SMYD3: variants seen among roughly 807,000 people sequenced by gnomAD.
SMYD3 encodes histone-lysine N-methyltransferase SMYD3.
A neutral mutation model predicts 57.7 loss-of-function variants in SMYD3; 36 were observed. The observed-to-expected ratio is 0.62, with a 90% CI of 0.48 to 0.82. The LOEUF (loss-of-function observed/expected upper bound fraction) is 0.82, where lower values mean the gene tolerates loss of function less well. Among genes scored for constraint, SMYD3 ranks in the 40% least tolerant of loss-of-function variants. The probability of loss-of-function intolerance (pLI) is 0.00; values close to 1 mark genes in which losing one functional copy is unlikely to be tolerated. For synonymous variants in SMYD3, 211 were observed against 195.0 expected (o/e 1.08, Z -0.68); for missense variants, 515 against 538.8 (o/e 0.96, Z 0.44).
At chr1:246,138,527 A>G (rs78591431) in intron 5 of SMYD3, among the ~76,000 whole-genome samples, 4,050 of 67,814 alleles carry the variant, frequency 0.06, 348 homozygotes, top group Middle Eastern at 0.14. Context: ...CCAGGTTCAC[A>G]CCATTCTCCT....
chr1:246,386,824 G>A (rs1237151631), intron 1 of SMYD3, among the ~76,000 whole-genome samples: 4 of 151,758 alleles, frequency 2.6e-5, no homozygotes, highest in Non-Finnish European at 5.9e-5. Flanking sequence ...CGTGTATGAT[G>A]TGAATCCTGT....
chr1:246,449,851 G>T (rs1462983696), intron 1 of SMYD3, among the ~76,000 whole-genome samples: 2 of 151,996 alleles, frequency 1.3e-5, no homozygotes, highest in Non-Finnish European at 2.9e-5. Context: ...GTGTGGAAAG[G>T]TTTTTTTTGT....
chr1:245,836,792 T>G (rs1243029263), intron 10 of SMYD3, among the ~76,000 whole-genome samples: 5 of 152,122 alleles, frequency 3.3e-5, no homozygotes, highest in African/African-American at 1.2e-4. Flanking sequence ...GTGTCACCAG[T>G]GTTGATGAAA....
At chr1:246,043,548 T>C (rs1296738324) in intron 5 of SMYD3, among the ~76,000 whole-genome samples, 1 of 152,226 alleles carries the variant, frequency 6.6e-6, no homozygotes, top group Non-Finnish European at 1.5e-5. Context: ...TCTCAGCCTT[T>C]GGACAGATCA....
chr1:245,974,422 T>C (rs146070602), intron 5 of SMYD3, among the ~76,000 whole-genome samples: 4 of 152,352 alleles, frequency 2.6e-5, no homozygotes, highest in Admixed American at 2.6e-4. Context: ...ATCTTGAATC[T>C]ATTTCATTTT....
chr1:245,948,376 G>C (rs1423824924), intron 5 of SMYD3, among the ~76,000 whole-genome samples: 1 of 152,170 alleles, frequency 6.6e-6, no homozygotes, highest in Non-Finnish European at 1.5e-5. Context: ...CTCTTTGGCT[G>C]GGACCCTGAA....
At chr1:246,187,006 C>T (rs536662243) in intron 5 of SMYD3, 9 of 874,840 alleles carry the variant, frequency 1.0e-5, no homozygotes, top group South Asian at 5.2e-5. Context: ...CACAAACATA[C>T]AAAGTAGGTG....
intron 5 of SMYD3, among the ~76,000 whole-genome samples, chr1:246,096,615 C>T (rs922014195): frequency 3.3e-5 from 5 of 152,168 alleles, no homozygotes; most frequent in African/African-American, 7.2e-5. Flanking sequence ...CTGATTAATA[C>T]GGGTACTTGG....
At chr1:246,147,302 CG>C (rs2061863981) in intron 5 of SMYD3, among the ~76,000 whole-genome samples, 1 of 152,142 alleles carries the variant, frequency 6.6e-6, no homozygotes, top group Non-Finnish European at 1.5e-5. Context: ...GCCACACCTC[CG>C]GGGAGTCATG....
chr1:246,194,895 G>A (rs765621457), intron 5 of SMYD3, among the ~76,000 whole-genome samples: 46 of 152,098 alleles, frequency 3.0e-4, no homozygotes, highest in African/African-American at 9.7e-4. Context: ...TGGGTCCCTC[G>A]TACAATGAAG....
At chr1:246,032,386 T>G (rs2059693365) in intron 5 of SMYD3, among the ~76,000 whole-genome samples, 1 of 152,148 alleles carries the variant, frequency 6.6e-6, no homozygotes, top group South Asian at 2.1e-4. Flanking sequence ...CCCACATATT[T>G]GCCGCTAACA....
At chr1:246,365,134 G>A (rs138887296) in intron 1 of SMYD3, among the ~76,000 whole-genome samples, 45 of 152,134 alleles carry the variant, frequency 3.0e-4, no homozygotes, top group African/African-American at 1.1e-3. Flanking sequence ...ATACATCACA[G>A]ATCTCTAAGG....
chr1:246,459,335 A>C (rs923470586), intron 1 of SMYD3, among the ~76,000 whole-genome samples: 4 of 141,210 alleles, frequency 2.8e-5, no homozygotes, highest in Middle Eastern at 4.2e-3. Flanking sequence ...AGTTCTCGCG[A>C]GATCTTATTT....
chr1:245,866,363 C>CT (rs57157717), intron 8 of SMYD3, among the ~76,000 whole-genome samples: 57 of 148,854 alleles, frequency 3.8e-4, no homozygotes, highest in African/African-American at 6.9e-4. Flanking sequence ...CATAGGTGCA[C>CT]TTTTTTTTTT....
At chr1:246,284,494 G>T (rs1255736246) in intron 5 of SMYD3, among the ~76,000 whole-genome samples, 2 of 150,264 alleles carry the variant, frequency 1.3e-5, no homozygotes, top group African/African-American at 4.9e-5. Flanking sequence ...TCGGCTCACT[G>T]CAAGCTCCGC....
intron 5 of SMYD3, among the ~76,000 whole-genome samples, chr1:246,295,644 G>T (rs1424935839): frequency 1.3e-5 from 2 of 152,016 alleles, no homozygotes; most frequent in Non-Finnish European, 2.9e-5. Flanking sequence ...GTATCTGTTG[G>T]ACCAAAACCA....
At chr1:246,255,751 G>T (rs1434802566) in intron 5 of SMYD3, among the ~76,000 whole-genome samples, 1 of 146,346 alleles carries the variant, frequency 6.8e-6, no homozygotes, top group Admixed American at 7.0e-5. Context: ...GAATCTGGCA[G>T]CGAATCCATT....
intron 5 of SMYD3, among the ~76,000 whole-genome samples, chr1:246,246,857 G>A (rs1361410): frequency 0.22 from 31,264 of 143,410 alleles, 4,192 homozygotes; most frequent in African/African-American, 0.39. Context: ...ATATATATAT[G>A]TAACACATAT....
chr1:246,317,401 G>T (rs1337685713), intron 5 of SMYD3, among the ~76,000 whole-genome samples: 1 of 152,238 alleles, frequency 6.6e-6, no homozygotes, highest in Non-Finnish European at 1.5e-5. Context: ...TAATTCAGGG[G>T]TTGGCAAATA....
Sources: gnomAD v4.1 joint callset for allele counts (sites outside exome capture counted in the v4.1 genomes callset) on GRCh38, gnomAD v4.1.1 for gene constraint, MANE v1.5 for transcripts, NCBI Gene and HGNC (gene_info 2026-07-23, HGNC 2026-07-21) for gene names.